Variants in CDKAL1 observed in about 807,000 individuals in gnomAD.
CDKAL1 encodes CDKAL1 threonylcarbamoyladenosine tRNA methylthiotransferase.
A neutral mutation model predicts 68.2 loss-of-function variants in CDKAL1; 32 were observed. The ratio of observed to expected loss-of-function variants is 0.47; its 90% CI spans 0.35 to 0.63. CDKAL1 has a LOEUF of 0.63. Among genes scored for constraint, CDKAL1 ranks in the 30% least tolerant of loss-of-function variants. CDKAL1 has a pLI of 0.00. For missense variants in CDKAL1, 606 were observed against 696.7 expected, an observed-to-expected ratio of 0.87 and a Z score of 1.47; for synonymous variants, 234 against 244.3, an observed-to-expected ratio of 0.96 and a Z score of 0.39.
intron 5 of CDKAL1, among the ~76,000 whole-genome samples, chr6:20,670,927 C>T (rs1048127475): frequency 5.9e-5 from 9 of 152,062 alleles, no homozygotes; most frequent in African/African-American, 2.2e-4. Flanking sequence ...AACTACTTTC[C>T]CATGTGTGGG....
chr6:21,007,795 T>G (rs1028234614), intron 11 of CDKAL1, among the ~76,000 whole-genome samples: 23 of 152,210 alleles, frequency 1.5e-4, no homozygotes, highest in African/African-American at 5.1e-4. Flanking sequence ...AGATGTTAAG[T>G]AATTTGCCCA....
chr6:20,645,344 G>A (rs1268224025), intron 4 of CDKAL1, among the ~76,000 whole-genome samples: 2 of 151,972 alleles, frequency 1.3e-5, no homozygotes, highest in African/African-American at 4.8e-5. Flanking sequence ...TTTTGAAAAC[G>A]TTTTCACACT....
intron 10 of CDKAL1, among the ~76,000 whole-genome samples, chr6:20,972,006 A>G (rs1376519086): frequency 6.6e-6 from 1 of 152,134 alleles, no homozygotes; most frequent in East Asian, 1.9e-4. Flanking sequence ...GTGGCATATC[A>G]TTTCTATAAT....
At chr6:20,812,781 G>A (rs1181910140) in intron 8 of CDKAL1, among the ~76,000 whole-genome samples, 2 of 151,936 alleles carry the variant, frequency 1.3e-5, no homozygotes, top group East Asian at 1.9e-4. Flanking sequence ...TTGTTTATTC[G>A]TTTACCTGTT....
chr6:20,796,418 T>C (rs917267346), intron 8 of CDKAL1, among the ~76,000 whole-genome samples: 47 of 152,156 alleles, frequency 3.1e-4, no homozygotes, highest in African/African-American at 1.1e-3. Flanking sequence ...CTCAAGTTGA[T>C]GTATAGATTT....
intron 6 of CDKAL1, among the ~76,000 whole-genome samples, chr6:20,740,272 G>A (rs1055402634): frequency 6.6e-6 from 1 of 152,062 alleles, no homozygotes; most frequent in African/African-American, 2.4e-5. Flanking sequence ...ATAAGTGTTT[G>A]TTGATTGCCT....
chr6:21,205,752 C>T (rs867732381), intron 15 of CDKAL1, among the ~76,000 whole-genome samples: 8 of 150,084 alleles, frequency 5.3e-5, no homozygotes, highest in Non-Finnish European at 1.0e-4. Flanking sequence ...AGGATGGTCT[C>T]GATCTCCTGA....
Position 20,806,443 on chromosome 6 carries a change from A to G in CDKAL1, c.638+25178A>G, listed in dbSNP as rs1405826422. ...GTAAATAGTGCTGCGCTGAACATAC[A>G]TGTTTCTTTATGGTAAAACAATTTA... is the stretch of plus-strand genomic sequence containing the variant. On this transcript the variant is annotated intron_variant, in intron 8 of 15. Coordinates refer to ENST00000274695, the MANE Select transcript of CDKAL1 (RefSeq NM_017774.3). 2.6e-5 allele frequency among the ~76,000 whole-genome samples: 4 copies of G among 152,172 alleles called. No individual in the cohort carries two copies. In the South Asian group the frequency reaches 6.2e-4, roughly 24 times the overall value.
rs551358962 is a variant in CDKAL1, at chr6:20,745,630, A to G, written c.468+6015A>G. On this transcript the variant is annotated intron_variant, in intron 6 of 15. Coordinates refer to ENST00000274695, the MANE Select transcript of CDKAL1 (RefSeq NM_017774.3). ...GAATGATTAAAATGTAGTATATCAT[A>G]GTGATTAAGAGTATGGATTCAGGAA... 8.1e-4 allele frequency among the ~76,000 whole-genome samples: 124 copies of G among 152,308 alleles called. 1 individual carries two copies. Among genetic ancestry groups the G allele is most frequent in the African/African-American group, 2.9e-3 (119 of 41,560 alleles).
chr6:20,544,469 G>A lies in CDKAL1; in HGVS notation c.-5-1877G>A, dbSNP rs944608481. On this transcript the variant is annotated intron_variant, in intron 2 of 15. Transcript: ENST00000274695. ...AAATTAGCCGGGCATGGTGGCGCGC[G>A]CCTGTAGTCCCAGCTACACGGGAGG... Among the ~76,000 whole-genome samples the A allele has an allele frequency of 9.9e-5, 15 of 151,330 alleles. No individual in the cohort carries two copies. The South Asian group carries it at 1.7e-3, about 17-fold the overall frequency.
intron 13 of CDKAL1, among the ~76,000 whole-genome samples, chr6:21,155,003 A>C (rs967751009): frequency 1.1e-3 from 139 of 125,530 alleles, no homozygotes; most frequent in African/African-American, 4.2e-3. Flanking sequence ...CCCCCCCCAA[A>C]AAAAAAAAAT....
At position 21,137,539 on chromosome 6, in the gene CDKAL1, C is replaced by G. The variant is rs531024929; in HGVS notation, c.1299+29076C>G. ...TCTGAATATGTGAGATATTTTTTAT[C>G]TTTTCAGAGAATCTTTGTAATTTAG... On this transcript the variant is annotated intron_variant, in intron 13 of 15. Coordinates refer to ENST00000274695, the MANE Select transcript of CDKAL1 (RefSeq NM_017774.3). 8.9e-4 allele frequency among the ~76,000 whole-genome samples: 136 copies of G among 152,232 alleles called. No homozygotes were observed. The Middle Eastern group carries it at 0.014, about 15-fold the overall frequency.
intron 8 of CDKAL1, among the ~76,000 whole-genome samples, chr6:20,800,881 T>A (rs1776338129): frequency 6.6e-6 from 1 of 152,200 alleles, no homozygotes; most frequent in Non-Finnish European, 1.5e-5. Context: ...CCAAAAGTGC[T>A]GGGATTATAG....
intron 4 of CDKAL1, among the ~76,000 whole-genome samples, chr6:20,630,654 C>T (rs1452765862): frequency 2.6e-5 from 4 of 152,116 alleles, no homozygotes; most frequent in Admixed American, 2.6e-4. Context: ...AAGAAATAAT[C>T]CCTGAATATT....
intron 6 of CDKAL1, among the ~76,000 whole-genome samples, chr6:20,747,199 C>A (rs982271385): frequency 6.6e-6 from 1 of 152,086 alleles, no homozygotes; most frequent in Non-Finnish European, 1.5e-5. Context: ...GAATAATATT[C>A]CATTACTTAA....
chr6:20,600,789 C>CATATATATATATAT lies in CDKAL1; in HGVS notation c.287-48503_287-48502insTATATATATATATA, dbSNP rs58795499. On this transcript the variant is annotated intron_variant, in intron 4 of 15. Transcript: ENST00000274695. ...ATGTATACATATATATATATATATA[C>CATATATATATATAT]ACACACACACATGAATGATAAATTA... 2.5e-3 allele frequency among the ~76,000 whole-genome samples: 328 copies of CATATATATATATAT among 130,450 alleles called. 2 individuals carry two copies. The highest frequency in any genetic ancestry group is 8.6e-3 in the African/African-American group (294 of 34,008). 85.6% of individuals were successfully genotyped at this position (130,450 alleles called of 152,430 possible).
intron 11 of CDKAL1, among the ~76,000 whole-genome samples, chr6:21,027,811 T>G (rs1769044433): frequency 6.6e-6 from 1 of 152,170 alleles, no homozygotes; most frequent in Non-Finnish European, 1.5e-5. Context: ...AACAGGCTAA[T>G]ATAAGTGGGG....
At chr6:20,860,185 C>T (rs1208946209) in intron 9 of CDKAL1, among the ~76,000 whole-genome samples, 1 of 152,130 alleles carries the variant, frequency 6.6e-6, no homozygotes, top group Admixed American at 6.5e-5. Context: ...TCAAGCTATT[C>T]TCCTGCCTCA....
chr6:20,600,771 C>CACATATAT (rs1766051267), intron 4 of CDKAL1, among the ~76,000 whole-genome samples: 3 of 124,176 alleles, frequency 2.4e-5, no homozygotes, highest in Non-Finnish European at 3.4e-5. Context: ...TATATGTATA[C>CACATATAT]ATATATATAT....
Sources: gnomAD v4.1 joint callset for allele counts (sites outside exome capture counted in the v4.1 genomes callset) on GRCh38, gnomAD v4.1.1 for gene constraint, MANE v1.5 for transcripts, NCBI Gene and HGNC (gene_info 2026-07-23, HGNC 2026-07-21) for gene names.